The following CLASP1 variants were observed in gnomAD, a reference collection of about 807,000 sequenced individuals.
The protein encoded by CLASP1 is cytoplasmic linker associated protein 1, also known as CLIP-associating protein 1.
Under a neutral mutation model 192.3 loss-of-function variants are expected in CLASP1, and 38 were observed. The observed-to-expected ratio is 0.20, with a 90% CI of 0.15 to 0.26. CLASP1 has a LOEUF of 0.26. Among genes scored for constraint, CLASP1 ranks in the 10% least tolerant of loss-of-function variants. The pLI is 1.00. For missense variants in CLASP1, 1,433 were observed against 1,932.5 expected (o/e 0.74, Z 4.85); for synonymous variants, 691 against 712.8 (o/e 0.97, Z 0.49).
chr2:121,354,425 G>A (rs1162878663), intron 37 of CLASP1, among the ~76,000 whole-genome samples: 1 of 152,194 alleles, frequency 6.6e-6, no homozygotes, highest in Non-Finnish European at 1.5e-5. Flanking sequence ...TCCTCCATTT[G>A]TGCAGGTCTC....
chr2:121,356,010 T>C (rs752591410), intron 37 of CLASP1, among the ~76,000 whole-genome samples: 1 of 152,228 alleles, frequency 6.6e-6, no homozygotes, highest in Non-Finnish European at 1.5e-5. Context: ...GGATCATTAC[T>C]CAGAATACTG....
intron 34 of CLASP1, among the ~76,000 whole-genome samples, chr2:121,369,625 C>T (rs970527581): frequency 1.3e-5 from 2 of 152,194 alleles, no homozygotes; most frequent in Non-Finnish European, 2.9e-5. Flanking sequence ...GCAGGCTTTA[C>T]GCAGCAGGAA....
At chr2:121,544,441 A>G (rs2095291596) in intron 2 of CLASP1, among the ~76,000 whole-genome samples, 1 of 102,264 alleles carries the variant, frequency 9.8e-6, no homozygotes, top group Non-Finnish European at 1.8e-5. Flanking sequence ...AATATATACA[A>G]AAAAAAAAAA....
chr2:121,606,123 G>A (rs1267996613), exon 2 of CLASP1: 4 of 548,658 alleles, frequency 7.3e-6, no homozygotes, highest in Non-Finnish European at 9.7e-6. Context: ...AAAGGAGTGA[G>A]TGGCAGAGTG....
chr2:121,640,226 G>T (rs1280956970), intron 1 of CLASP1, among the ~76,000 whole-genome samples: 1 of 151,980 alleles, frequency 6.6e-6, no homozygotes, highest in African/African-American at 2.4e-5. Flanking sequence ...GCCATGGGGT[G>T]GGGGGCCGGG....
intron 37 of CLASP1, among the ~76,000 whole-genome samples, chr2:121,354,932 G>A (rs2065124048): frequency 6.6e-6 from 1 of 152,118 alleles, no homozygotes; most frequent in East Asian, 1.9e-4. Flanking sequence ...CTGATTGCCG[G>A]GTTCGTGGTG....
intron 34 of CLASP1, among the ~76,000 whole-genome samples, chr2:121,374,015 A>G (rs1217409227): frequency 6.6e-6 from 1 of 152,252 alleles, no homozygotes; most frequent in African/African-American, 2.4e-5. Context: ...TTAATAGCCA[A>G]GACAATGGAG....
intron 2 of CLASP1, among the ~76,000 whole-genome samples, chr2:121,598,335 T>C (rs1339431188): frequency 6.6e-6 from 1 of 152,180 alleles, no homozygotes; most frequent in Admixed American, 6.5e-5. Context: ...CTGATCCCAA[T>C]ATGAGTCTGA....
At chr2:121,401,120 C>T (rs750647449) in intron 28 of CLASP1, among the ~76,000 whole-genome samples, 7 of 152,224 alleles carry the variant, frequency 4.6e-5, no homozygotes, top group Non-Finnish European at 8.8e-5. Context: ...GGAAACTCTA[C>T]ATCATACACC....
intron 1 of CLASP1, among the ~76,000 whole-genome samples, chr2:121,632,898 G>GA (rs1553680682): frequency 5.1e-4 from 44 of 86,196 alleles, no homozygotes; most frequent in Admixed American, 6.6e-4. Flanking sequence ...CTCCATCTCA[G>GA]AAAAAAAAAA....
chr2:121,447,090 C>T (rs922371295), intron 19 of CLASP1, among the ~76,000 whole-genome samples: 1 of 152,168 alleles, frequency 6.6e-6, no homozygotes, highest in Non-Finnish European at 1.5e-5. Context: ...CTCAGTGCCA[C>T]ACACCCTCCG....
intron 19 of CLASP1, among the ~76,000 whole-genome samples, chr2:121,434,927 A>T (rs954425135): frequency 1.3e-4 from 20 of 149,866 alleles, no homozygotes; most frequent in Non-Finnish European, 2.7e-4. Flanking sequence ...TCAATTACAA[A>T]TTTTTTTTTT....
intron 1 of CLASP1, among the ~76,000 whole-genome samples, chr2:121,618,412 G>A (rs72972776): frequency 0.038 from 5,833 of 152,252 alleles, 160 homozygotes; most frequent in East Asian, 0.14. Context: ...AAGCACAGAC[G>A]CAAGAGTGTG....
chr2:121,607,471 G>A (rs532661004), intron 1 of CLASP1, among the ~76,000 whole-genome samples: 2 of 152,288 alleles, frequency 1.3e-5, no homozygotes, highest in African/African-American at 4.8e-5. Flanking sequence ...TTTGAGTAGG[G>A]TAAAATACAT....
At chr2:121,345,625 T>C (rs1292702137) in intron 39 of CLASP1, among the ~76,000 whole-genome samples, 5 of 152,132 alleles carry the variant, frequency 3.3e-5, no homozygotes, top group African/African-American at 1.2e-4. Flanking sequence ...AGGAAGGGGA[T>C]CTGATGAGGA....
rs1048449886 is a variant in CLASP1, at chr2:121,530,915, T to C, written c.196-590A>G. On this transcript the variant is annotated intron_variant, in intron 2 of 39. Transcript: ENST00000263710. ...TTCTTGGGGTTGCGCTACTGTCCAA[T>C]GAGCGCATAGTGAGGGCAGTACTGC... The C allele has an allele frequency of 1.0e-5, 7 of 699,210 alleles. No homozygotes were observed. The highest frequency in any genetic ancestry group is 1.6e-5 in the Non-Finnish European group (6 of 383,928). 43.3% of individuals were successfully genotyped at this position (699,210 alleles called of 1,614,324 possible).
intron 2 of CLASP1, among the ~76,000 whole-genome samples, chr2:121,580,456 AGATT>A (rs2061002418): frequency 6.6e-6 from 1 of 152,246 alleles, no homozygotes; most frequent in Admixed American, 6.5e-5. Flanking sequence ...TTTATCAATT[AGATT>A]AACACCATTA....
At chr2:121,383,325 T>C (rs2072233460) in intron 32 of CLASP1, among the ~76,000 whole-genome samples, 1 of 152,100 alleles carries the variant, frequency 6.6e-6, no homozygotes, top group Non-Finnish European at 1.5e-5. Flanking sequence ...ACAAGGAAAA[T>C]AAGGCATTGA....
At chr2:121,564,001 A>G (rs1040691349) in intron 2 of CLASP1, among the ~76,000 whole-genome samples, 1 of 152,204 alleles carries the variant, frequency 6.6e-6, no homozygotes, top group Non-Finnish European at 1.5e-5. Flanking sequence ...GGAAACTCCC[A>G]TTTTTAAAAC....
Sources: gnomAD v4.1 joint callset for allele counts (sites outside exome capture counted in the v4.1 genomes callset) on GRCh38, gnomAD v4.1.1 for gene constraint, MANE v1.5 for transcripts, NCBI Gene and HGNC (gene_info 2026-07-23, HGNC 2026-07-21) for gene names.